DPYS: variants seen among roughly 807,000 people sequenced by gnomAD.
The protein encoded by DPYS is dihydropyrimidine amidohydrolase.
In DPYS, 39 loss-of-function variants were observed where a neutral mutation model predicts 50.3. The ratio of observed to expected loss-of-function variants is 0.78; its 90% CI spans 0.60 to 1.01. DPYS has a LOEUF of 1.01. Ranked by LOEUF, DPYS falls within the 50% of genes least tolerant of loss-of-function variation. The probability of loss-of-function intolerance (pLI) is 0.00; values close to 1 mark genes in which losing one functional copy is unlikely to be tolerated. For missense variants in DPYS, 659 were observed against 680.9 expected (o/e 0.97, Z 0.36); for synonymous variants, 245 against 250.7 (o/e 0.98, Z 0.22).
intron 7 of DPYS, among the ~76,000 whole-genome samples, chr8:104,422,558 C>G (rs569576580): frequency 6.6e-6 from 1 of 152,186 alleles, no homozygotes; most frequent in Admixed American, 6.5e-5. Flanking sequence ...ATTTAAGGCA[C>G]CAAAACATTT....
chr8:104,379,448 T>A lies in DPYS; in HGVS notation c.*410A>T, dbSNP rs748183204. 9 of 169,528 alleles carry A rather than the reference T, an allele frequency of 5.3e-5. No individual in the cohort carries two copies. The highest frequency in any genetic ancestry group is 2.2e-4 in the African/African-American group (9 of 41,566). 10.5% of individuals were successfully genotyped at this position (169,528 alleles called of 1,614,324 possible). A position where few individuals can be genotyped will look rare whatever the true frequency, so the allele number is the denominator to read the frequency against. On this transcript the variant is annotated 3_prime_UTR_variant, in exon 10 of 10. Transcript: ENST00000351513. ...ATAAGGTATAAAATGAAGATCTCAATGTTTATTAATTACAATAAAAAGTAA... is the reference window on the plus strand; with the variant it reads ...ATAAGGTATAAAATGAAGATCTCAAAGTTTATTAATTACAATAAAAAGTAA...
At chr8:104,448,014 GC>G in intron 2 of DPYS, among the ~76,000 whole-genome samples, 1 of 152,364 alleles carries the variant, frequency 6.6e-6, no homozygotes, top group Non-Finnish European at 1.5e-5. Context: ...TGTAGAGCCA[GC>G]CGTGGTGGCA....
At chr8:104,439,672 C>T (rs1813277891) in intron 4 of DPYS, among the ~76,000 whole-genome samples, 1 of 152,120 alleles carries the variant, frequency 6.6e-6, no homozygotes, top group African/African-American at 2.4e-5. Context: ...GTAGTCGCAG[C>T]TACTTGGGAT....
At chr8:104,465,514 A>C (rs1814338538) in intron 1 of DPYS, among the ~76,000 whole-genome samples, 1 of 152,168 alleles carries the variant, frequency 6.6e-6, no homozygotes, top group Non-Finnish European at 1.5e-5. Context: ...CTTTAGCCCA[A>C]GTGCTGAGAG....
intron 5 of DPYS, 139 bp downstream of exon 5, chr8:104,429,406 G>A: frequency 9.5e-7 from 1 of 1,048,132 alleles, no homozygotes; most frequent in South Asian, 1.5e-5. Context: ...CTCTGCAGGT[G>A]AGGGGTACCC....
chr8:104,390,127 C>A (rs77152911), intron 8 of DPYS, among the ~76,000 whole-genome samples: 1,735 of 152,308 alleles, frequency 0.011, 31 homozygotes, highest in African/African-American at 0.037. Context: ...CCAAGATTGG[C>A]CCTACCTTGG....
intron 7 of DPYS, among the ~76,000 whole-genome samples, chr8:104,409,080 G>A (rs959249032): frequency 6.6e-6 from 1 of 151,812 alleles, no homozygotes; most frequent in African/African-American, 2.4e-5. Context: ...ACAGGTGTGA[G>A]CCACTGTGCC....
intron 7 of DPYS, among the ~76,000 whole-genome samples, chr8:104,423,438 C>T (rs183629723): frequency 1.2e-3 from 182 of 152,306 alleles, no homozygotes; most frequent in Non-Finnish European, 1.8e-3. Flanking sequence ...TGAAGCTGGG[C>T]CTTTGTGACA....
At chr8:104,432,968 G>A (rs1813004657) in intron 4 of DPYS, among the ~76,000 whole-genome samples, 1 of 152,150 alleles carries the variant, frequency 6.6e-6, no homozygotes, top group African/African-American at 2.4e-5. Context: ...TGGAGGTAGT[G>A]AATTTAAAGT....
intron 8 of DPYS, among the ~76,000 whole-genome samples, chr8:104,383,389 C>T (rs914697001): frequency 5.3e-5 from 8 of 152,160 alleles, no homozygotes; most frequent in African/African-American, 1.9e-4. Context: ...TCGTCAGTCT[C>T]CCCCAGCAGA....
chr8:104,429,590 C>T lies in DPYS; in HGVS notation c.905G>A (p.Arg302Gln), dbSNP rs200913682. ...GAAGTCGGGTGTTGAGGGGTCTGGT[C>T]GCAAAGGTGGACCCATGACATGGTG... Reference protein sequence around the residue: ...AAHHVMGPPLRPDPSTPDFLM... With the variant: ...AAHHVMGPPLQPDPSTPDFLM... The change falls in exon 5 of 10, where the codon CGA (arginine) becomes CAA (glutamine). Residue 302 changes from arginine to glutamine, a missense_variant. Physicochemically the swap from Arg to Gln is conservative, Grantham distance 43 (BLOSUM62 1). Coordinates refer to ENST00000351513, the MANE Select transcript of DPYS (RefSeq NM_001385.3). 2.2e-5 allele frequency: 36 copies of T among 1,614,088 alleles called. No homozygotes were observed. In the Middle Eastern group the frequency reaches 5.0e-4, roughly 22 times the overall value.
chr8:104,406,884 C>A (rs966302854), intron 7 of DPYS, among the ~76,000 whole-genome samples: 5 of 152,174 alleles, frequency 3.3e-5, no homozygotes, highest in Admixed American at 2.0e-4. Context: ...TCTGATTGAA[C>A]CCTGACTAAT....
At chr8:104,386,448 G>T (rs1013462450) in intron 8 of DPYS, among the ~76,000 whole-genome samples, 3 of 151,528 alleles carry the variant, frequency 2.0e-5, no homozygotes, top group Admixed American at 2.0e-4. Flanking sequence ...CAGGAGAATT[G>T]CTTGAACCCA....
chr8:104,450,002 G>A (rs1813676271), intron 2 of DPYS, among the ~76,000 whole-genome samples: 1 of 152,136 alleles, frequency 6.6e-6, no homozygotes, highest in Admixed American at 6.5e-5. Context: ...TTTTAGCAAG[G>A]TTTACCAGGT....
In DPYS at chr8:104,447,504, C is replaced by G. The variant is rs879851088; in HGVS notation, c.424-1G>C. The stretch of plus-strand genomic sequence containing the variant: ...CAAGGATTTTCATTTCTTCTTTAAC[C>G]TAAAAGGAAGCAGCAACCATAACAA... On this transcript the variant is annotated splice_acceptor_variant, in intron 2 of 9. Coordinates refer to ENST00000351513, the MANE Select transcript of DPYS (RefSeq NM_001385.3). LOFTEE classifies it high-confidence loss of function. 6.2e-7 allele frequency: 1 copy of G among 1,613,984 alleles called. No homozygotes were observed. The highest frequency in any genetic ancestry group is 8.5e-7 in the Non-Finnish European group (1 of 1,179,976).
Position 104,417,954 on chromosome 8 carries a change from T to C in DPYS, c.1235+6293A>G, listed in dbSNP as rs1205187950. ...AAGGAAAAAATAAGCATGGCTGCCCTGCTTTTCTTTCCACTGGTCTCCCCT... is the reference window on the plus strand; with the variant it reads ...AAGGAAAAAATAAGCATGGCTGCCCCGCTTTTCTTTCCACTGGTCTCCCCT... On this transcript the variant is annotated intron_variant, in intron 7 of 9. Transcript: ENST00000351513. 7.2e-5 allele frequency among the ~76,000 whole-genome samples: 11 copies of C among 152,344 alleles called. No homozygotes were observed. The East Asian group carries it at 1.5e-3, about 21-fold the overall frequency.
intron 7 of DPYS, among the ~76,000 whole-genome samples, chr8:104,407,288 T>C (rs1370901658): frequency 6.6e-6 from 1 of 152,226 alleles, no homozygotes; most frequent in Non-Finnish European, 1.5e-5. Flanking sequence ...TCTCTCACTA[T>C]AAGTGATCCA....
intron 7 of DPYS, 79 bp downstream of exon 7, chr8:104,424,168 A>G (rs1271730526): frequency 6.2e-7 from 1 of 1,609,902 alleles, no homozygotes; most frequent in Admixed American, 1.7e-5. Context: ...GCGGCTGATT[A>G]ATGCCAAAGC....
Position 104,466,884 on chromosome 8 carries a change from G to T in DPYS, c.37C>A (p.Arg13Ser), listed in dbSNP as rs1442738320. The change falls in exon 1 of 10, where the codon CGC becomes AGC. Residue 13 changes from arginine (R) to serine (S), a missense_variant. By Grantham distance (110) the Arg-to-Ser change is moderately radical. Transcript: ENST00000351513. ...TCCGAGAAGTCATCGTTGACCACGC[G>T]ACCCCCGCGGATCAGGAGCCGCGAG... ...APSRLLIRGGRVVNDDFSEVA... is the reference protein window; with the variant it reads ...APSRLLIRGGSVVNDDFSEVA... The T allele has an allele frequency of 6.6e-7, 1 of 1,515,786 alleles. No homozygotes were observed. The highest frequency in any genetic ancestry group is 8.8e-7 in the Non-Finnish European group (1 of 1,138,184). 93.9% of individuals were successfully genotyped at this position (1,515,786 alleles called of 1,614,324 possible). A position where few individuals can be genotyped will look rare whatever the true frequency, so the allele number is the denominator to read the frequency against.
Sources: allele counts gnomAD v4.1 joint callset (sites outside exome capture counted in the v4.1 genomes callset), GRCh38; gene constraint gnomAD v4.1.1; transcripts MANE v1.5; gene names NCBI Gene and HGNC (gene_info 2026-07-23, HGNC 2026-07-21).